Variants in ACACA observed in about 807,000 individuals in gnomAD.
ACACA encodes acetyl-CoA carboxylase alpha.
In ACACA, 103 loss-of-function variants were observed where a neutral mutation model predicts 296.1. That is an observed-to-expected ratio of 0.35 (90% CI 0.30 to 0.41). The LOEUF (loss-of-function observed/expected upper bound fraction) is 0.41, where lower values mean the gene tolerates loss of function less well. ACACA is among the 10% of genes least tolerant of loss of function. The probability of loss-of-function intolerance (pLI) is 1.00; values close to 1 mark genes in which losing one functional copy is unlikely to be tolerated. For missense variants in ACACA, 1,554 were observed against 2,989.7 expected (o/e 0.52, Z 11.20); for synonymous variants, 953 against 1,038.6 (o/e 0.92, Z 1.58).
chr17:37,130,159 G>T lies in ACACA; in HGVS notation c.5739C>A (p.His1913Gln). Residue 1913 changes from histidine to glutamine, a missense_variant, in exon 46 of 56, where the codon CAC becomes CAA. His to Gln is a conservative substitution (Grantham distance 24). This residue lies in a region of ACACA where 553 missense variants were observed against 1,043.6 expected (regional missense o/e 0.53). Transcript: ENST00000616317. ...CAGTGCAGTGGGTCACCCCATTGTT[G>T]TGCATAATCTGGATGCCCCCCAGCT... is the stretch of plus-strand genomic sequence containing the variant. ...NNQLGGIQIMHNNGVTHCTVC... is the reference protein window; with the variant it reads ...NNQLGGIQIMQNNGVTHCTVC... The T allele has an allele frequency of 6.2e-7, 1 of 1,614,170 alleles. No homozygotes were observed. Among genetic ancestry groups the T allele is most frequent in the Non-Finnish European group, 8.5e-7 (1 of 1,180,012 alleles).
chr17:37,283,512 C>A, intron 4 of ACACA, 107 bp from the exon 5 acceptor site: 1 of 1,377,884 alleles, frequency 7.3e-7, no homozygotes, highest in South Asian at 1.3e-5. Flanking sequence ...GTGTAAAAGT[C>A]ATACTTTCAA....
chr17:37,337,933 T>C (rs949687170), intron 2 of ACACA, among the ~76,000 whole-genome samples: 11 of 151,634 alleles, frequency 7.3e-5, no homozygotes, highest in African/African-American at 2.7e-4. Flanking sequence ...CCATCTCTAA[T>C]AAATATACAA....
At position 37,290,943 on chromosome 17, in the gene ACACA, G is replaced by A. The variant is rs143401512; in HGVS notation, c.339-5973C>T. Among the ~76,000 whole-genome samples the A allele has an allele frequency of 1.4e-3, 216 of 151,844 alleles. 1 individual carries two copies. The highest frequency in any genetic ancestry group is 4.9e-3 in the African/African-American group (205 of 41,458). ...TAAAAATACAAAAAATTAGTCGGGC[G>A]TGGTGGCGTGTGCCTGTAGTCCCAG... On this transcript the variant is annotated intron_variant, in intron 3 of 55. Coordinates refer to ENST00000616317, the MANE Select transcript of ACACA (RefSeq NM_198834.3).
Position 37,207,679 on chromosome 17 carries a change from G to T in ACACA, c.3829C>A (p.Arg1277=). ...TACCTGACAAAATCTTCAAAAGTCC[G>T]AAAAGAGACCATTCCGCCCATCCGC... is the stretch of plus-strand genomic sequence containing the variant. ...CQRMGGMVSF[R]TFEDFVRIFD... Residue 1277 remains arginine, a synonymous_variant, in exon 31 of 56, where the codon CGG becomes AGG. Transcript: ENST00000616317. 6.2e-7 allele frequency: 1 copy of T among 1,613,974 alleles called. No homozygotes were observed. The highest frequency in any genetic ancestry group is 8.5e-7 in the Non-Finnish European group (1 of 1,179,904).
At chr17:37,138,730 T>C (rs551280828) in intron 45 of ACACA, among the ~76,000 whole-genome samples, 1 of 152,372 alleles carries the variant, frequency 6.6e-6, no homozygotes, top group East Asian at 1.9e-4. Context: ...AGACCTACTT[T>C]GTATTGATTT....
chr17:37,313,842 C>G (rs1405368274), intron 3 of ACACA, among the ~76,000 whole-genome samples: 2 of 152,086 alleles, frequency 1.3e-5, no homozygotes, highest in East Asian at 3.9e-4. Flanking sequence ...ACCCAGCAAT[C>G]CCATAGCTAG....
At chr17:37,213,254 G>T (rs533552827) in intron 29 of ACACA, among the ~76,000 whole-genome samples, 17 of 151,358 alleles carry the variant, frequency 1.1e-4, no homozygotes, top group African/African-American at 3.9e-4. Flanking sequence ...TACTCCGAAG[G>T]TTGAGGTGGA....
intron 3 of ACACA, 77 bp from the exon 4 acceptor site, chr17:37,285,047 G>T: frequency 6.4e-7 from 1 of 1,556,906 alleles, no homozygotes; most frequent in Non-Finnish European, 8.8e-7. Context: ...ACCCATAACA[G>T]TACTTTCACA....
chr17:37,175,973 T>C (rs1170196058), intron 41 of ACACA, among the ~76,000 whole-genome samples: 1 of 152,074 alleles, frequency 6.6e-6, no homozygotes, highest in Non-Finnish European at 1.5e-5. Context: ...GCAGGTCACA[T>C]CTCTACTGAA....
At chr17:37,145,962 G>C (rs1481656646) in intron 45 of ACACA, among the ~76,000 whole-genome samples, 3 of 152,116 alleles carry the variant, frequency 2.0e-5, no homozygotes, top group East Asian at 3.9e-4. Flanking sequence ...AGTTCACAGG[G>C]GGAAAAGGAT....
At chr17:37,330,448 G>C in intron 2 of ACACA, 23 bp from the exon 3 acceptor site, 1 of 1,613,786 alleles carries the variant, frequency 6.2e-7, no homozygotes, top group East Asian at 2.2e-5. Context: ...TGAAAAGTGA[G>C]AAAGGCAGGT....
chr17:37,277,228 GC>G (rs1308697788), intron 6 of ACACA, 114 bp from the exon 7 acceptor site: 1 of 885,012 alleles, frequency 1.1e-6, no homozygotes, highest in African/African-American at 1.6e-5. Context: ...TTCCACAGCA[GC>G]CTAATGCTTA....
At chr17:37,278,139 C>G in intron 5 of ACACA, 134 bp from the exon 6 acceptor site, 2 of 730,278 alleles carry the variant, frequency 2.7e-6, no homozygotes, top group Non-Finnish European at 4.9e-6. Flanking sequence ...GGATAATTTC[C>G]AGGACCATTT....
rs185205934 is a variant in ACACA at position 37,402,736 on chromosome 17, G to A, written c.38+3526C>T. Among the ~76,000 whole-genome samples, 210 of 151,968 alleles carry A rather than the reference G, an allele frequency of 1.4e-3. 1 individual carries two copies. In the South Asian group the frequency reaches 0.016, roughly 11 times the overall value. ...TGCCCAGGCTGGAGTACAGCGGCAC[G>A]ATCTCAGCTCACTGCAAGCTCCACC... is the stretch of plus-strand genomic sequence containing the variant. On this transcript the variant is annotated intron_variant, in intron 1 of 55. Coordinates refer to ENST00000616317, the MANE Select transcript of ACACA (RefSeq NM_198834.3).
chr17:37,274,812 T>C (rs1245470359), intron 8 of ACACA: 2 of 276,802 alleles, frequency 7.2e-6, no homozygotes, highest in Non-Finnish European at 1.1e-5. Context: ...CAAGAACAAA[T>C]TCAACCTTTT....
At chr17:37,293,915 GGTTT>G (rs1012935261) in intron 3 of ACACA, among the ~76,000 whole-genome samples, 4 of 152,064 alleles carry the variant, frequency 2.6e-5, no homozygotes, top group Admixed American at 6.6e-5. Context: ...CATGTTTAAC[GGTTT>G]ATTTAGATAA....
chr17:37,299,599 TA>T, intron 3 of ACACA: 1 of 1,269,592 alleles, frequency 7.9e-7, no homozygotes, highest in South Asian at 2.3e-5. Context: ...CACACACAAT[TA>T]GTTGATTTCC....
intron 41 of ACACA, among the ~76,000 whole-genome samples, chr17:37,168,164 G>A (rs910393527): frequency 1.3e-5 from 2 of 152,062 alleles, no homozygotes; most frequent in Non-Finnish European, 2.9e-5. Context: ...AAAAATCTAC[G>A]GCATAAGTTT....
At chr17:37,376,816 A>T (rs886878819) in intron 1 of ACACA, among the ~76,000 whole-genome samples, 10 of 152,126 alleles carry the variant, frequency 6.6e-5, no homozygotes, top group Admixed American at 5.9e-4. Context: ...TTAGCCAGGC[A>T]TGGTGGCATG....
Sources: allele counts gnomAD v4.1 joint callset (sites outside exome capture counted in the v4.1 genomes callset), GRCh38; gene constraint gnomAD v4.1.1; regional missense constraint gnomAD v4.1.1; transcripts MANE v1.5; gene names NCBI Gene and HGNC (gene_info 2026-07-23, HGNC 2026-07-21).